Variants in MLLT10 observed in about 807,000 individuals in gnomAD.
MLLT10 encodes the protein MLLT10 histone lysine methyltransferase DOT1L cofactor.
A neutral mutation model predicts 129.1 loss-of-function variants in MLLT10; 30 were observed. The observed-to-expected ratio is 0.23, with a 90% CI of 0.17 to 0.32. The LOEUF (loss-of-function observed/expected upper bound fraction) is 0.32. MLLT10 is among the 10% of genes least tolerant of loss of function. MLLT10 has a pLI of 1.00. For synonymous variants in MLLT10, 490 were observed against 446.4 expected, an observed-to-expected ratio of 1.10 and a Z score of -1.23; for missense variants, 1,119 against 1,268.3, an observed-to-expected ratio of 0.88 and a Z score of 1.79.
At chr10:21,557,148 T>C in intron 3 of MLLT10, 1 of 1,359,868 alleles carries the variant, frequency 7.4e-7, no homozygotes. Flanking sequence ...GCTGTTAAAC[T>C]TCCTGAAAAA....
At chr10:21,735,329 A>G in intron 21 of MLLT10, 94 bp downstream of exon 21, 3 of 1,073,410 alleles carry the variant, frequency 2.8e-6, no homozygotes, top group Non-Finnish European at 4.1e-6. Flanking sequence ...GTGAAATAAC[A>G]TTATTGAATG....
At chr10:21,556,733 C>T (rs769489413) in intron 3 of MLLT10, 55 of 1,611,770 alleles carry the variant, frequency 3.4e-5, no homozygotes, top group East Asian at 4.5e-5. Context: ...TCCCCACCCC[C>T]GATGCCTGGT....
At chr10:21,655,712 A>G (rs1404770764) in intron 9 of MLLT10, among the ~76,000 whole-genome samples, 1 of 152,202 alleles carries the variant, frequency 6.6e-6, no homozygotes, top group African/African-American at 2.4e-5. Flanking sequence ...TAGAATTAAC[A>G]TTGAGGAATG....
intron 14 of MLLT10, among the ~76,000 whole-genome samples, chr10:21,717,109 C>T (rs533673602): frequency 1.4e-4 from 21 of 150,648 alleles, no homozygotes; most frequent in Admixed American, 6.0e-4. Context: ...CAAAATTAGC[C>T]GGGCGCGGTG....
intron 11 of MLLT10, among the ~76,000 whole-genome samples, chr10:21,678,852 G>A (rs548917939): frequency 6.6e-6 from 1 of 152,190 alleles, no homozygotes; most frequent in South Asian, 2.1e-4. Context: ...TTGATCCTTG[G>A]AACAGCCTTG....
chr10:21,663,311 C>A (rs2050402072), intron 9 of MLLT10, among the ~76,000 whole-genome samples: 1 of 152,040 alleles, frequency 6.6e-6, no homozygotes, highest in African/African-American at 2.4e-5. Context: ...CTGGTTCCTG[C>A]AGAGGTTTCA....
chr10:21,621,796 G>A (rs976331260), intron 8 of MLLT10, among the ~76,000 whole-genome samples: 12 of 152,192 alleles, frequency 7.9e-5, no homozygotes, highest in African/African-American at 2.7e-4. Flanking sequence ...TCCCTCTTCT[G>A]TCGTGACTCA....
intron 3 of MLLT10, among the ~76,000 whole-genome samples, chr10:21,540,787 GAACA>G (rs998341833): frequency 6.6e-6 from 1 of 152,180 alleles, no homozygotes; most frequent in African/African-American, 2.4e-5. Flanking sequence ...TGAAGGTAGA[GAACA>G]AACATTTTAG....
At chr10:21,672,978 G>C (rs563526478) in intron 10 of MLLT10, among the ~76,000 whole-genome samples, 1 of 152,246 alleles carries the variant, frequency 6.6e-6, no homozygotes, top group South Asian at 2.1e-4. Context: ...CTGTGGAAAG[G>C]AGACTACTGT....
intron 10 of MLLT10, 132 bp from the exon 11 acceptor site, chr10:21,673,218 T>A (rs2131379204): frequency 1.9e-6 from 1 of 529,824 alleles, no homozygotes; most frequent in East Asian, 3.1e-5. Context: ...TCCTAAGTGT[T>A]GTAGTTAATT....
At chr10:21,608,238 G>T (rs1235891650) in intron 5 of MLLT10, among the ~76,000 whole-genome samples, 4 of 151,564 alleles carry the variant, frequency 2.6e-5, no homozygotes, top group African/African-American at 9.7e-5. Context: ...GCACGATAAA[G>T]GCTCAGTGCA....
intron 16 of MLLT10, among the ~76,000 whole-genome samples, chr10:21,730,576 C>A: frequency 6.6e-6 from 1 of 152,034 alleles, no homozygotes; most frequent in African/African-American, 2.4e-5. Flanking sequence ...TTTGTCTTTC[C>A]CTCTTTTGTC....
At chr10:21,737,706 T>C (rs1342517496) in intron 21 of MLLT10, among the ~76,000 whole-genome samples, 1 of 152,100 alleles carries the variant, frequency 6.6e-6, no homozygotes, top group Non-Finnish European at 1.5e-5. Flanking sequence ...AGTGGGATTG[T>C]GGCTCAGGTG....
intron 7 of MLLT10, among the ~76,000 whole-genome samples, chr10:21,615,452 C>CCAGG (rs2131205791): frequency 8.9e-6 from 1 of 111,756 alleles, no homozygotes; most frequent in South Asian, 2.8e-4. Context: ...AGTGAGACTC[C>CCAGG]GTCTCAAAAA....
chr10:21,669,140 G>C (rs759319055), intron 9 of MLLT10: 233 of 1,185,284 alleles, frequency 2.0e-4, no homozygotes, highest in Non-Finnish European at 2.4e-4. Context: ...TGAAACGTTT[G>C]TTCTTGTTTG....
At chr10:21,572,933 G>A (rs2040364075) in intron 3 of MLLT10, among the ~76,000 whole-genome samples, 1 of 151,894 alleles carries the variant, frequency 6.6e-6, no homozygotes, top group African/African-American at 2.4e-5. Flanking sequence ...TAAATATTTT[G>A]TCTTTTTTTT....
intron 8 of MLLT10, chr10:21,625,334 A>G (rs1319828285): frequency 2.6e-6 from 2 of 768,164 alleles, no homozygotes; most frequent in Non-Finnish European, 4.7e-6. Flanking sequence ...AGAATGAACA[A>G]ATGCATAATC....
At chr10:21,651,044 T>G (rs112886367) in intron 8 of MLLT10, among the ~76,000 whole-genome samples, 24 of 5,644 alleles carry the variant, frequency 4.3e-3, no homozygotes, top group East Asian at 0.015. Context: ...GTTGTGTTGT[T>G]TTGTTTTGTT....
chr10:21,705,137 G>A (rs886928994), intron 13 of MLLT10, among the ~76,000 whole-genome samples: 6 of 152,170 alleles, frequency 3.9e-5, no homozygotes, highest in Non-Finnish European at 7.4e-5. Flanking sequence ...GTGCGAAGAC[G>A]GTGGCAGTGG....
Sources: gnomAD v4.1 joint callset for allele counts (sites outside exome capture counted in the v4.1 genomes callset) on GRCh38, gnomAD v4.1.1 for gene constraint, MANE v1.5 for transcripts, NCBI Gene and HGNC (gene_info 2026-07-23, HGNC 2026-07-21) for gene names.